The following CAP2 variants were observed in gnomAD, a reference collection of about 807,000 sequenced individuals.
CAP2 encodes cyclase associated actin cytoskeleton regulatory protein 2.
CAP2 carries 24 observed loss-of-function variants against 57.7 expected under a neutral mutation model. That is an observed-to-expected ratio of 0.42 (90% confidence interval 0.30 to 0.58). The LOEUF is 0.58. Ranked by LOEUF, CAP2 falls within the 20% of genes least tolerant of loss-of-function variation. The pLI, the probability that CAP2 is intolerant of heterozygous loss-of-function variation, is 0.22. For synonymous variants in CAP2, 194 were observed against 207.2 expected (o/e 0.94, Z 0.55); for missense variants, 501 against 590.3 (o/e 0.85, Z 1.57).
chr6:17,469,165 C>T (rs887408544), intron 4 of CAP2, among the ~76,000 whole-genome samples: 7 of 152,242 alleles, frequency 4.6e-5, no homozygotes, highest in African/African-American at 1.7e-4. Context: ...CCTTGATGGG[C>T]ACCACCCCAA....
At chr6:17,514,514 C>G (rs1762226306) in intron 7 of CAP2, among the ~76,000 whole-genome samples, 1 of 152,092 alleles carries the variant, frequency 6.6e-6, no homozygotes, top group African/African-American at 2.4e-5. Context: ...CTTTGGGAGG[C>G]CGAGGTGGGC....
At chr6:17,411,395 T>C (rs1349144511) in intron 1 of CAP2, among the ~76,000 whole-genome samples, 1 of 152,236 alleles carries the variant, frequency 6.6e-6, no homozygotes, top group Non-Finnish European at 1.5e-5. Context: ...TGTCCCATTT[T>C]CCATATTCAC....
chr6:17,411,414 T>G (rs949019718), intron 1 of CAP2, among the ~76,000 whole-genome samples: 2 of 152,204 alleles, frequency 1.3e-5, no homozygotes, highest in Non-Finnish European at 2.9e-5. Context: ...ACCAGCAATG[T>G]CTGAGGGTTC....
At chr6:17,548,160 G>T (rs927732190) in intron 11 of CAP2, among the ~76,000 whole-genome samples, 14 of 152,078 alleles carry the variant, frequency 9.2e-5, no homozygotes, top group Non-Finnish European at 2.1e-4. Context: ...GAGGTCAGGA[G>T]ATTGAGATCA....
intron 3 of CAP2, among the ~76,000 whole-genome samples, chr6:17,433,282 T>C (rs1759790762): frequency 6.6e-6 from 1 of 152,186 alleles, no homozygotes; most frequent in South Asian, 2.1e-4. Flanking sequence ...AGATAAAACA[T>C]CTTCTCTTCT....
chr6:17,394,002 C>T (rs1182873600), intron 1 of CAP2, among the ~76,000 whole-genome samples: 1 of 148,964 alleles, frequency 6.7e-6, no homozygotes, highest in Non-Finnish European at 1.5e-5. Flanking sequence ...CGCCCTGCCC[C>T]CGCCTCCCCA....
chr6:17,537,710 C>T (rs1480435424), intron 7 of CAP2, among the ~76,000 whole-genome samples: 1 of 152,014 alleles, frequency 6.6e-6, no homozygotes, highest in Non-Finnish European at 1.5e-5. Flanking sequence ...TTTTAAGCTT[C>T]GTGACTATTT....
chr6:17,409,236 G>T (rs566405113), intron 1 of CAP2, among the ~76,000 whole-genome samples: 3 of 151,970 alleles, frequency 2.0e-5, no homozygotes, highest in Middle Eastern at 3.4e-3. Flanking sequence ...ACCAGGTGTG[G>T]TGGCAGGCAC....
intron 4 of CAP2, among the ~76,000 whole-genome samples, chr6:17,485,076 C>T (rs2113627530): frequency 6.6e-6 from 1 of 152,016 alleles, no homozygotes; most frequent in East Asian, 1.9e-4. Context: ...TTGGGGCGTT[C>T]ATCAGGGAGA....
intron 4 of CAP2, among the ~76,000 whole-genome samples, chr6:17,496,802 G>T (rs1561804991): frequency 6.6e-6 from 1 of 152,112 alleles, no homozygotes; most frequent in African/African-American, 2.4e-5. Context: ...GAAATTCTTT[G>T]CATCTGCTGA....
At chr6:17,449,535 T>C (rs1203133329) in intron 3 of CAP2, among the ~76,000 whole-genome samples, 1 of 151,448 alleles carries the variant, frequency 6.6e-6, no homozygotes, top group Non-Finnish European at 1.5e-5. Context: ...GCCTCCCAGC[T>C]AGCTGGGATT....
intron 1 of CAP2, among the ~76,000 whole-genome samples, chr6:17,398,436 G>A (rs1758723718): frequency 6.6e-6 from 1 of 151,950 alleles, no homozygotes; most frequent in Admixed American, 6.6e-5. Context: ...CTTAGAAGGA[G>A]GAAAGCACCT....
chr6:17,514,703 C>T (rs1023913426), intron 7 of CAP2, among the ~76,000 whole-genome samples: 1 of 149,212 alleles, frequency 6.7e-6, no homozygotes, highest in Non-Finnish European at 1.5e-5. Context: ...GAGCTTAGAT[C>T]GTGCCACTGC....
At chr6:17,437,344 G>T (rs1415741638) in intron 3 of CAP2, among the ~76,000 whole-genome samples, 2 of 152,024 alleles carry the variant, frequency 1.3e-5, no homozygotes, top group Non-Finnish European at 1.5e-5. Flanking sequence ...GGGATAGGCG[G>T]GATGCTGGGT....
At chr6:17,454,847 A>C (rs1299222707) in intron 3 of CAP2, among the ~76,000 whole-genome samples, 2 of 152,228 alleles carry the variant, frequency 1.3e-5, no homozygotes, top group African/African-American at 4.8e-5. Flanking sequence ...CTTGGAAAGA[A>C]TCAGGATTTA....
At chr6:17,464,494 C>T (rs1760812399) in intron 4 of CAP2, among the ~76,000 whole-genome samples, 3 of 152,276 alleles carry the variant, frequency 2.0e-5, no homozygotes, top group Admixed American at 6.5e-5. Flanking sequence ...CATTCCCAGC[C>T]ATGCTTGTGC....
chr6:17,434,509 G>A (rs547788853), intron 3 of CAP2, among the ~76,000 whole-genome samples: 2 of 152,096 alleles, frequency 1.3e-5, no homozygotes, highest in African/African-American at 2.4e-5. Flanking sequence ...GATTACAGGC[G>A]TGAGCCACTG....
At chr6:17,478,419 T>C (rs779110285) in intron 4 of CAP2, among the ~76,000 whole-genome samples, 6 of 151,912 alleles carry the variant, frequency 3.9e-5, no homozygotes, top group Admixed American at 1.3e-4. Flanking sequence ...GTGCTGAGAT[T>C]ACAGGCGTGA....
chr6:17,447,256 G>A (rs1760285975), intron 3 of CAP2, among the ~76,000 whole-genome samples: 3 of 151,788 alleles, frequency 2.0e-5, no homozygotes, highest in African/African-American at 7.3e-5. Context: ...CTGGTCTCAA[G>A]CAGTCCTCCC....
Sources: allele counts gnomAD v4.1 joint callset (sites outside exome capture counted in the v4.1 genomes callset), GRCh38; gene constraint gnomAD v4.1.1; transcripts MANE v1.5; gene names NCBI Gene and HGNC (gene_info 2026-07-23, HGNC 2026-07-21).